Variants in CES2 observed in about 807,000 individuals in gnomAD.
The protein encoded by CES2 is carboxylesterase 2, also known as cocaine esterase.
Under a neutral mutation model 52.1 loss-of-function variants are expected in CES2, and 42 were observed. The ratio of observed to expected loss-of-function variants is 0.81; its 90% confidence interval spans 0.63 to 1.04. The LOEUF is 1.04. CES2 is among the 50% of genes least tolerant of loss of function. The pLI is 0.00. For synonymous variants in CES2, 277 were observed against 289.6 expected (o/e 0.96, Z 0.44); for missense variants, 656 against 724.3 (o/e 0.91, Z 1.08).
Position 66,942,106 on chromosome 16 carries a change from T to A in CES2, c.1139T>A (p.Met380Lys). The change falls in exon 9 of 12, where the codon ATG becomes AAG. Residue 380 changes from methionine to lysine, a missense_variant and splice_region_variant. Coordinates refer to ENST00000317091, the MANE Select transcript of CES2 (RefSeq NM_001365405.1). Reference protein sequence around the residue: ...AALQKMLTLLMLPPTFGDLLR... With the variant: ...AALQKMLTLLKLPPTFGDLLR... ...CTCTTCCTGATCCACCTGGGGTAGA[T>A]GTTGCCTCCTACATTTGGTGACCTG... The A allele has an allele frequency of 6.2e-7, 1 of 1,605,108 alleles. No individual in the cohort carries two copies.
At chr16:66,937,141 C>T (rs566884355) in intron 1 of CES2, among the ~76,000 whole-genome samples, 2 of 152,236 alleles carry the variant, frequency 1.3e-5, no homozygotes, top group East Asian at 1.9e-4. Context: ...CATATTACTG[C>T]ATTCCAGCCT....
At chr16:66,934,496 C>T (rs1963150793), upstream of CES2, 3 of 1,340,416 alleles carry the variant, frequency 2.2e-6, no homozygotes, top group East Asian at 2.6e-5. This position sits in a 1 kb window ranked among gnomAD's most constrained non-coding sequence, Gnocchi z 4.1. Flanking sequence ...GGGTTCTCGG[C>T]CTGAGGTGCG....
chr16:66,944,068 A>G lies in CES2; in HGVS notation c.*43A>G, dbSNP rs776185235. On this transcript the variant is annotated 3_prime_UTR_variant, in exon 12 of 12. Coordinates refer to ENST00000317091, the MANE Select transcript of CES2 (RefSeq NM_001365405.1). ...GAGGGGGTGGGTTCGCTGACAGGCG[A>G]GGGTCAGCCTGCTGTGCCCACACAC... 34 of 1,141,118 alleles carry G rather than the reference A, an allele frequency of 3.0e-5. No individual in the cohort carries two copies. The highest frequency in any genetic ancestry group is 1.1e-4 in the East Asian group (4 of 37,120). The allele number at this position is 1,141,118 out of a possible 1,614,324, so 70.7% of individuals were successfully genotyped here.
In CES2 at chr16:66,941,607, T is replaced by C; in HGVS notation, c.1017T>C (p.Val339=). 6.2e-7 allele frequency: 1 copy of C among 1,614,078 alleles called. No individual in the cohort carries two copies. Among genetic ancestry groups the C allele is most frequent in the Non-Finnish European group, 8.5e-7 (1 of 1,179,998 alleles). The change falls in exon 7 of 12, where the codon GTT becomes GTC. Residue 339 remains valine (V), a synonymous_variant. Coordinates refer to ENST00000317091, the MANE Select transcript of CES2 (RefSeq NM_001365405.1). ...SADFQPVPSI[V]GVNNNEFGWL... ...ACTTTCAGCCTGTCCCTAGCATTGT[T>C]GGTGTCAACAACAATGAATTCGGCT...
rs2145511449 is a variant in CES2, at chr16:66,943,647, C to T, written c.1494-192C>T. The T allele has an allele frequency of 3.4e-6, 2 of 584,524 alleles. No homozygotes were observed. Among genetic ancestry groups the T allele is most frequent in the Non-Finnish European group, 6.0e-6 (2 of 333,114 alleles). 36.2% of individuals were successfully genotyped at this position (584,524 alleles called of 1,614,324 possible). The stretch of plus-strand genomic sequence containing the variant: ...GGACACAACAGAGCTGGCTGCCCTC[C>T]CCCAACCCCCACTGGTGCTGACACT... On this transcript the variant is annotated intron_variant, in intron 11 of 11. Transcript: ENST00000317091. This position sits in a 1 kb window ranked among gnomAD's most constrained non-coding sequence, Gnocchi z 4.2.
In CES2 at chr16:66,944,288, C is replaced by T. The variant is rs1597012241; in HGVS notation, c.*263C>T. 9.1e-6 allele frequency: 2 copies of T among 220,232 alleles called. No individual in the cohort carries two copies. Among genetic ancestry groups the T allele is most frequent in the East Asian group, 8.0e-5 (1 of 12,570 alleles). The allele number at this position is 220,232 out of a possible 1,614,324, so 13.6% of individuals were successfully genotyped here. On this transcript the variant is annotated 3_prime_UTR_variant, in exon 12 of 12. Coordinates refer to ENST00000317091, the MANE Select transcript of CES2 (RefSeq NM_001365405.1). Reference sequence around the variant, plus strand: ...GTTTGAGACCGACCAGCCAGGGCAACACAGTGAGACCCCTTCTCAAAAAAA... The same window carrying T: ...GTTTGAGACCGACCAGCCAGGGCAATACAGTGAGACCCCTTCTCAAAAAAA...
In CES2 at chr16:66,940,604, T is replaced by C. The variant is rs1193450052; in HGVS notation, c.725T>C (p.Ile242Thr). ...TSVSSLVVSP[I>T]SQGLFHGAIM... is the part of the protein sequence containing the mutation. ...GTGTCTTCGCTTGTTGTGTCCCCCATATCCCAAGGACTCTTCCACGGAGCC... is the reference window on the plus strand; with the variant it reads ...GTGTCTTCGCTTGTTGTGTCCCCCACATCCCAAGGACTCTTCCACGGAGCC... The change falls in exon 5 of 12, where the codon ATA becomes ACA. Residue 242 changes from isoleucine to threonine, a missense_variant. By Grantham distance (89) the Ile-to-Thr change is moderately conservative. Transcript: ENST00000317091. 1.2e-6 allele frequency: 2 copies of C among 1,614,108 alleles called. No homozygotes were observed. The highest frequency in any genetic ancestry group is 1.3e-5 in the African/African-American group (1 of 74,946).
At chr16:66,939,978 A>C (rs1963315567) in intron 3 of CES2, among the ~76,000 whole-genome samples, 1 of 152,064 alleles carries the variant, frequency 6.6e-6, no homozygotes, top group Admixed American at 6.6e-5. Flanking sequence ...TTTTCTTTCC[A>C]CTTTGGTGAA....
Position 66,940,659 on chromosome 16 carries a change from C to CG in CES2, c.782dup (p.Leu262ProfsTer7). ...TGGAGAGTGGCGTGGCCCTCCTGCC[C>CG]GGCCTCATTGCCAGCTCAGCTGATG... On this transcript the variant is annotated frameshift_variant, in exon 5 of 12. Coordinates refer to ENST00000317091, the MANE Select transcript of CES2 (RefSeq NM_001365405.1). LOFTEE classifies it high-confidence loss of function. The CG allele has an allele frequency of 3.7e-6, 6 of 1,614,192 alleles. No homozygotes were observed. Among genetic ancestry groups the CG allele is most frequent in the Non-Finnish European group, 5.1e-6 (6 of 1,180,040 alleles).
At position 66,939,369 on chromosome 16, in the gene CES2, G is replaced by A. The variant is rs1294381754; in HGVS notation, c.423+11G>A. The A allele has an allele frequency of 6.2e-7, 1 of 1,613,930 alleles. No individual in the cohort carries two copies. Among genetic ancestry groups the A allele is most frequent in the East Asian group, 2.2e-5 (1 of 44,876 alleles). On this transcript the variant is annotated intron_variant, in intron 3 of 11. Coordinates refer to ENST00000317091, the MANE Select transcript of CES2 (RefSeq NM_001365405.1). ...GGCTCTAACCTGCCGGTGGGTGTCA[G>A]GCCACAGTTCACTGGGGGTTGGAGG... is the stretch of plus-strand genomic sequence containing the variant.
chr16:66,935,433 C>G (rs1191448071), upstream of CES2: 1 of 1,574,784 alleles, frequency 6.4e-7, no homozygotes, highest in Non-Finnish European at 8.7e-7. Context: ...CCACTAGATC[C>G]CCACCCACCT....
At position 66,935,627 on chromosome 16, in the gene CES2, G is replaced by C. The variant is rs773056840; in HGVS notation, c.-9G>C. On this transcript the variant is annotated 5_prime_UTR_variant, in exon 1 of 12. Coordinates refer to ENST00000317091, the MANE Select transcript of CES2 (RefSeq NM_001365405.1). Reference sequence around the variant, plus strand: ...CCGCCGGCAGCGAACCGAGACCAGCGAGCCGACCATGCGGCTGCACAGACT... The same window carrying C: ...CCGCCGGCAGCGAACCGAGACCAGCCAGCCGACCATGCGGCTGCACAGACT... The C allele has an allele frequency of 2.5e-6, 4 of 1,607,054 alleles. No homozygotes were observed. The highest frequency in any genetic ancestry group is 1.6e-4 in the Middle Eastern group (1 of 6,084).
chr16:66,942,274 G>A (rs1350284374), intron 9 of CES2, 25 bp downstream of exon 9: 4 of 1,589,582 alleles, frequency 2.5e-6, no homozygotes, highest in Non-Finnish European at 2.6e-6. Context: ...ACCAAAGCCT[G>A]GCGGGCAGGG....
intron 8 of CES2, 116 bp from the exon 9 acceptor site, chr16:66,941,989 C>T: frequency 6.7e-7 from 1 of 1,503,294 alleles, no homozygotes. Context: ...GGGGTGGGGT[C>T]ACCTCAGAGC....
chr16:66,935,794 G>C (rs762294467), intron 1 of CES2, 83 bp downstream of exon 1: 13 of 1,593,070 alleles, frequency 8.2e-6, no homozygotes, highest in Admixed American at 5.0e-5. Context: ...GTGCGGGAGG[G>C]CAGGCGCCTG....
chr16:66,942,418 T>A, intron 9 of CES2, 169 bp downstream of exon 9: 1 of 849,786 alleles, frequency 1.2e-6, no homozygotes, highest in Non-Finnish European at 1.8e-6. Context: ...ATCCGACATT[T>A]CCCCCATTTC....
At chr16:66,941,881 C>T (rs566291836) in intron 8 of CES2, 33 bp downstream of exon 8, 105 of 1,612,934 alleles carry the variant, frequency 6.5e-5, no homozygotes, top group South Asian at 1.2e-4. Context: ...CCAATGGAGA[C>T]GGGCTCCTCT....
intron 3 of CES2, among the ~76,000 whole-genome samples, chr16:66,939,903 C>T (rs758275392): frequency 6.6e-6 from 1 of 152,200 alleles, no homozygotes; most frequent in African/African-American, 2.4e-5. Flanking sequence ...CGGGGTCTCA[C>T]TATGTGGTTC....
In CES2 at chr16:66,943,422, C is replaced by A; in HGVS notation, c.1493+51C>A. The A allele has an allele frequency of 6.3e-7, 1 of 1,594,612 alleles. No individual in the cohort carries two copies. Among genetic ancestry groups the A allele is most frequent in the South Asian group, 1.1e-5 (1 of 90,572 alleles). ...CCTCCCCGATTGGGGGACTTGTGCCCATCCAGTGCTCTCCTAGTCTGGGGT... is the reference window on the plus strand; with the variant it reads ...CCTCCCCGATTGGGGGACTTGTGCCAATCCAGTGCTCTCCTAGTCTGGGGT... On this transcript the variant is annotated intron_variant, in intron 11 of 11. Coordinates refer to ENST00000317091, the MANE Select transcript of CES2 (RefSeq NM_001365405.1). This position sits in a 1 kb window ranked among gnomAD's most constrained non-coding sequence, Gnocchi z 4.2.
Sources: gnomAD v4.1 joint callset for allele counts (sites outside exome capture counted in the v4.1 genomes callset) on GRCh38, gnomAD v4.1.1 for gene constraint, Gnocchi (gnomAD v3.1) non-coding constraint, MANE v1.5 for transcripts, NCBI Gene and HGNC (gene_info 2026-07-23, HGNC 2026-07-21) for gene names.